The following PDLIM3 variants were observed in gnomAD, a reference collection of about 807,000 sequenced individuals.
PDLIM3 encodes the protein PDZ and LIM domain 3.
In PDLIM3, 36 loss-of-function variants were observed where a neutral mutation model predicts 37.3. The ratio of observed to expected loss-of-function variants is 0.97; its 90% CI spans 0.74 to 1.28. The LOEUF is 1.28. Ranked by LOEUF, PDLIM3 falls within the 50% of genes most tolerant of loss-of-function variation. The pLI is 0.00. For synonymous variants in PDLIM3, 174 were observed against 182.4 expected, an observed-to-expected ratio of 0.95 and a Z score of 0.37; for missense variants, 454 against 485.0, an observed-to-expected ratio of 0.94 and a Z score of 0.60.
rs552011514 is a variant in PDLIM3 at position 185,503,073 on chromosome 4, C to A, written c.906-590G>T. On this transcript the variant is annotated intron_variant, in intron 7 of 7. Coordinates refer to ENST00000284767, the MANE Select transcript of PDLIM3 (RefSeq NM_014476.6). ...AAACCCCATCTCTACTAAAAAAATACAAAAAAATTAGCCGGGCGTGGGCAC... is the reference window on the plus strand; with the variant it reads ...AAACCCCATCTCTACTAAAAAAATAAAAAAAAATTAGCCGGGCGTGGGCAC... 3.9e-5 allele frequency among the ~76,000 whole-genome samples: 6 copies of A among 151,946 alleles called. No individual in the cohort carries two copies. The East Asian group carries it at 5.8e-4, about 15-fold the overall frequency.
rs78687507 is a variant in PDLIM3 at position 185,534,999 on chromosome 4, T to C, written c.93+343A>G. Among the ~76,000 whole-genome samples, 477 of 152,292 alleles carry C rather than the reference T, an allele frequency of 3.1e-3. 4 individuals carry two copies. The highest frequency in any genetic ancestry group is 0.011 in the African/African-American group (460 of 41,560). ...GGCGATGGGGTGTGTTTTATTTCTG[T>C]TATCACATATAAAACATTTAAAACC... On this transcript the variant is annotated intron_variant, in intron 1 of 7. Coordinates refer to ENST00000284767, the MANE Select transcript of PDLIM3 (RefSeq NM_014476.6).
intron 1 of PDLIM3, among the ~76,000 whole-genome samples, chr4:185,529,668 GA>G (rs1195244215): frequency 6.6e-6 from 1 of 152,208 alleles, no homozygotes; most frequent in African/African-American, 2.4e-5. Flanking sequence ...GCTGTGTTCA[GA>G]AGTCACATGG....
rs1419582141 is a variant in PDLIM3 at position 185,514,699 on chromosome 4, T to C, written c.331-362A>G. 3 of 1,551,594 alleles carry C rather than the reference T, an allele frequency of 1.9e-6. No homozygotes were observed. Among genetic ancestry groups the C allele is most frequent in the South Asian group, 1.2e-5 (1 of 83,972 alleles). On this transcript the variant is annotated intron_variant, in intron 3 of 7. Coordinates refer to ENST00000284767, the MANE Select transcript of PDLIM3 (RefSeq NM_014476.6). This position sits in a 1 kb window ranked among gnomAD's most constrained non-coding sequence, Gnocchi z 4.0. ...CTGTGGCCAGAACAGAGCCGGATACTTACTTTTGAGGTGAGCTAGGAATGA... is the reference window on the plus strand; with the variant it reads ...CTGTGGCCAGAACAGAGCCGGATACCTACTTTTGAGGTGAGCTAGGAATGA...
At chr4:185,525,942 A>T (rs1193167649) in intron 1 of PDLIM3, among the ~76,000 whole-genome samples, 1 of 152,228 alleles carries the variant, frequency 6.6e-6, no homozygotes, top group East Asian at 1.9e-4. Flanking sequence ...CACCCAGTCT[A>T]TTGCACTTTG....
intron 3 of PDLIM3, among the ~76,000 whole-genome samples, chr4:185,520,074 G>A (rs925175129): frequency 3.9e-5 from 6 of 152,194 alleles, no homozygotes; most frequent in African/African-American, 1.4e-4. Flanking sequence ...CTTTTCTCTC[G>A]TCTCAGTCCA....
At chr4:185,531,013 C>T (rs1297786750) in intron 1 of PDLIM3, among the ~76,000 whole-genome samples, 1 of 147,384 alleles carries the variant, frequency 6.8e-6, no homozygotes, top group South Asian at 2.2e-4. Context: ...CACACACACA[C>T]ACGTATATAT....
rs2095688316 is a variant in PDLIM3, at chr4:185,502,313, G to T, written c.1076C>A (p.Thr359Asn). Residue 359 changes from threonine (T) to asparagine (N), a missense_variant, in exon 8 of 8, where the codon ACT becomes AAT. By Grantham distance (65) the Thr-to-Asn change is moderately conservative. Coordinates refer to ENST00000284767, the MANE Select transcript of PDLIM3 (RefSeq NM_014476.6). ...AGAGACTTAAGCTTTGGGATACAGA[G>T]TGACCGTGTCATAGCCCTCTGGGGG... is the stretch of plus-strand genomic sequence containing the variant. Reference protein sequence around the residue: ...TKPPEGYDTVTLYPKA With the variant: ...TKPPEGYDTVNLYPKA 6.2e-7 allele frequency: 1 copy of T among 1,614,140 alleles called. No individual in the cohort carries two copies. The highest frequency in any genetic ancestry group is 1.1e-5 in the South Asian group (1 of 91,094).
At chr4:185,532,736 C>T (rs552781891) in intron 1 of PDLIM3, among the ~76,000 whole-genome samples, 22 of 152,250 alleles carry the variant, frequency 1.4e-4, no homozygotes, top group African/African-American at 4.1e-4. Context: ...CAAGTGATGC[C>T]GCTGAAGGAT....
intron 3 of PDLIM3, among the ~76,000 whole-genome samples, chr4:185,519,147 G>T (rs980807472): frequency 5.3e-5 from 8 of 152,196 alleles, no homozygotes; most frequent in African/African-American, 1.9e-4. Flanking sequence ...AATAGATTGT[G>T]TTCAGGATTG....
chr4:185,516,485 AAGG>A (rs1410265146), intron 3 of PDLIM3: 1 of 152,178 alleles, frequency 6.6e-6, no homozygotes, highest in Non-Finnish European at 1.5e-5. Context: ...AAAGAAGAAA[AAGG>A]AGGAGGAAAG....
intron 1 of PDLIM3, among the ~76,000 whole-genome samples, chr4:185,529,521 T>C (rs1180674413): frequency 6.6e-6 from 1 of 152,166 alleles, no homozygotes; most frequent in Non-Finnish European, 1.5e-5. Flanking sequence ...ACCCCATTGT[T>C]CATTCTCCAT....
intron 2 of PDLIM3, 93 bp downstream of exon 2, chr4:185,524,927 C>A: frequency 8.1e-7 from 1 of 1,240,098 alleles, no homozygotes; most frequent in Non-Finnish European, 1.2e-6. Flanking sequence ...AGGTCTGTGG[C>A]CCTCCTTGCT....
rs1443404539 is a variant in PDLIM3, at chr4:185,506,630, G to T, written c.685C>A (p.Pro229Thr). The change falls in exon 6 of 8, where the codon CCC becomes ACC. Residue 229 changes from proline to threonine, a missense_variant. Physicochemically the swap from Pro to Thr is conservative, Grantham distance 38. Transcript: ENST00000284767. ...AGCATCCGGTACACGTCCGACTCGG[G>T]GGGCACCGAGGCTGTGGGCTCGCTG... ...LMSEPTASVP[P>T]ESDVYRMLHD... The T allele has an allele frequency of 6.2e-7, 1 of 1,606,928 alleles. No individual in the cohort carries two copies. The highest frequency in any genetic ancestry group is 1.1e-5 in the South Asian group (1 of 91,080).
chr4:185,523,430 A>G lies in PDLIM3; in HGVS notation c.262T>C (p.Trp88Arg), dbSNP rs1561200671. The G allele has an allele frequency of 1.9e-6, 3 of 1,606,776 alleles. No homozygotes were observed. Among genetic ancestry groups the G allele is most frequent in the Non-Finnish European group, 1.7e-6 (2 of 1,173,704 alleles). ...CCATCTTCAGATACTTGTGGAGACC[A>G]TAAGTGAGTTTCTCCCCTGGAAATA... ...LKIDRGETHL[W>R]SPQVSEDGKA... The change falls in exon 3 of 8, where the codon TGG becomes CGG. Residue 88 changes from tryptophan to arginine, a missense_variant. By Grantham distance (101) the Trp-to-Arg change is moderately radical (BLOSUM62 -3). Coordinates refer to ENST00000284767, the MANE Select transcript of PDLIM3 (RefSeq NM_014476.6).
chr4:185,521,399 C>T (rs201372235), intron 3 of PDLIM3, among the ~76,000 whole-genome samples: 2 of 44,998 alleles, frequency 4.4e-5, no homozygotes, highest in Middle Eastern at 0.01. Flanking sequence ...CTTTTCTTTT[C>T]TTTTTTTTTT....
chr4:185,514,331 T>A lies in PDLIM3; in HGVS notation c.337A>T (p.Asn113Tyr). 1 of 1,614,154 alleles carries A rather than the reference T, an allele frequency of 6.2e-7. No homozygotes were observed. Among genetic ancestry groups the A allele is most frequent in the Non-Finnish European group, 8.5e-7 (1 of 1,180,026 alleles). ...INLESEPQDG[N>Y]YFEHKHNIRP... is the part of the protein sequence containing the mutation. The stretch of plus-strand genomic sequence containing the variant: ...ATATTATGCTTGTGTTCAAAGTAGT[T>A]CCCGTCCTGTGAAAACAAAGCGTTA... The change falls in exon 4 of 8, where the codon AAC (asparagine) becomes TAC (tyrosine). Residue 113 changes from asparagine (N) to tyrosine (Y), a missense_variant. Asn to Tyr is a moderately radical substitution (Grantham distance 143). Coordinates refer to ENST00000284767, the MANE Select transcript of PDLIM3 (RefSeq NM_014476.6). The surrounding 1 kb of genome is among the most constrained non-coding windows in gnomAD (Gnocchi z 4.0).
At chr4:185,516,137 G>A (rs571566760) in intron 3 of PDLIM3, 1 of 152,354 alleles carries the variant, frequency 6.6e-6, no homozygotes, top group South Asian at 2.1e-4. Flanking sequence ...CTGACCTCAG[G>A]TGATCCACTT....
intron 1 of PDLIM3, among the ~76,000 whole-genome samples, chr4:185,534,759 G>A (rs183584537): frequency 6.6e-6 from 1 of 152,370 alleles, no homozygotes; most frequent in Admixed American, 6.5e-5. Flanking sequence ...CAAAATGCCT[G>A]GAAACTGAGG....
In PDLIM3 at chr4:185,504,343, G is replaced by A. The variant is rs2095692810; in HGVS notation, c.905+132C>T. On this transcript the variant is annotated intron_variant, in intron 7 of 7. Transcript: ENST00000284767. The surrounding 1 kb of genome is among the most constrained non-coding windows in gnomAD (Gnocchi z 4.7). Reference sequence around the variant, plus strand: ...CAGTCACAATGTGCTAAATGTTGGGGACCTTACGTTTCAAGTTGATGAATA... The same window carrying A: ...CAGTCACAATGTGCTAAATGTTGGGAACCTTACGTTTCAAGTTGATGAATA... The A allele has an allele frequency of 6.9e-6, 5 of 726,896 alleles. No homozygotes were observed. The highest frequency in any genetic ancestry group is 6.0e-5 in the South Asian group (4 of 66,778). 45.0% of individuals were successfully genotyped at this position (726,896 alleles called of 1,614,324 possible). A position where few individuals can be genotyped will look rare whatever the true frequency, so the allele number is the denominator to read the frequency against.
Sources: allele counts gnomAD v4.1 joint callset (sites outside exome capture counted in the v4.1 genomes callset), GRCh38; gene constraint gnomAD v4.1.1; non-coding constraint Gnocchi (gnomAD v3.1); transcripts MANE v1.5; gene names NCBI Gene and HGNC (gene_info 2026-07-23, HGNC 2026-07-21).